Variants in ASIC2 observed in about 807,000 individuals in gnomAD.
ASIC2 encodes the protein acid-sensing ion channel 2.
ASIC2 carries 25 observed loss-of-function variants against 57.3 expected under a neutral mutation model. The ratio of observed to expected loss-of-function variants is 0.44; its 90% CI spans 0.32 to 0.61. ASIC2 has a LOEUF of 0.61. Ranked by LOEUF, ASIC2 falls within the 20% of genes least tolerant of loss-of-function variation. ASIC2 has a pLI of 0.06. For missense variants in ASIC2, 641 were observed against 738.1 expected, an observed-to-expected ratio of 0.87 and a Z score of 1.52; for synonymous variants, 319 against 307.5, an observed-to-expected ratio of 1.04 and a Z score of -0.39.
chr17:33,719,215 C>G (rs1440805963), intron 1 of ASIC2, among the ~76,000 whole-genome samples: 1 of 152,116 alleles, frequency 6.6e-6, no homozygotes, highest in African/African-American at 2.4e-5. Context: ...GCCTTCAGTT[C>G]GCATCTGAAA....
intron 1 of ASIC2, among the ~76,000 whole-genome samples, chr17:34,031,423 A>G (rs2142037247): frequency 6.6e-6 from 1 of 152,202 alleles, no homozygotes; most frequent in East Asian, 1.9e-4. Flanking sequence ...AAAACGGAGG[A>G]GAAAAACTGG....
At chr17:34,044,836 C>T (rs1167886369) in intron 1 of ASIC2, among the ~76,000 whole-genome samples, 4 of 152,196 alleles carry the variant, frequency 2.6e-5, no homozygotes, top group Non-Finnish European at 4.4e-5. Flanking sequence ...GGCTGCCCCT[C>T]ATCATCTTGG....
intron 1 of ASIC2, among the ~76,000 whole-genome samples, chr17:33,595,966 G>C (rs1041278111): frequency 6.6e-6 from 1 of 152,188 alleles, no homozygotes; most frequent in African/African-American, 2.4e-5. Context: ...AGTCTATGCT[G>C]TTTCCTCTGG....
At chr17:33,890,896 A>G (rs1341957171) in intron 1 of ASIC2, among the ~76,000 whole-genome samples, 1 of 96,632 alleles carries the variant, frequency 1.0e-5, no homozygotes, top group Non-Finnish European at 2.0e-5. Flanking sequence ...AGGCTGGAGA[A>G]TCACCTGGAG....
intron 1 of ASIC2, among the ~76,000 whole-genome samples, chr17:34,019,960 A>G (rs1454480864): frequency 6.6e-6 from 1 of 152,148 alleles, no homozygotes; most frequent in East Asian, 1.9e-4. Flanking sequence ...TCCAGGTTCC[A>G]AGAGAATAAA....
At chr17:33,089,816 T>A (rs1313022109) in intron 2 of ASIC2, among the ~76,000 whole-genome samples, 1 of 152,226 alleles carries the variant, frequency 6.6e-6, no homozygotes, top group Non-Finnish European at 1.5e-5. Context: ...GAAACTTCCC[T>A]CATTTTTTCC....
chr17:33,687,422 C>G (rs1908229584), intron 1 of ASIC2, among the ~76,000 whole-genome samples: 1 of 152,172 alleles, frequency 6.6e-6, no homozygotes, highest in South Asian at 2.1e-4. Context: ...GGTGATGTTT[C>G]TCATGCGTCA....
intron 2 of ASIC2, among the ~76,000 whole-genome samples, chr17:33,104,483 T>TC (rs2092227266): frequency 1.3e-5 from 2 of 152,196 alleles, no homozygotes; most frequent in African/African-American, 4.8e-5. Flanking sequence ...CAGGGCATCC[T>TC]CAGTGGTGCC....
intron 1 of ASIC2, among the ~76,000 whole-genome samples, chr17:33,921,482 C>T (rs991852461): frequency 2.0e-5 from 3 of 151,996 alleles, no homozygotes; most frequent in Non-Finnish European, 2.9e-5. Context: ...TGTAACAGAC[C>T]ATATATTTCC....
At chr17:33,586,517 C>G (rs1383327734) in intron 1 of ASIC2, among the ~76,000 whole-genome samples, 1 of 152,154 alleles carries the variant, frequency 6.6e-6, no homozygotes, top group Non-Finnish European at 1.5e-5. Context: ...TGGTTCTTCC[C>G]AGGCTTTCAA....
intron 1 of ASIC2, among the ~76,000 whole-genome samples, chr17:34,017,234 G>A (rs1907008602): frequency 6.6e-6 from 1 of 152,136 alleles, no homozygotes; most frequent in Admixed American, 6.5e-5. Flanking sequence ...TCTGTGATCG[G>A]TGACCTTTGA....
intron 3 of ASIC2, among the ~76,000 whole-genome samples, chr17:33,040,707 C>T (rs528679923): frequency 1.2e-4 from 19 of 152,330 alleles, no homozygotes; most frequent in Admixed American, 1.1e-3. Flanking sequence ...GAAAAACTGC[C>T]TTGGGAACGG....
At chr17:33,973,543 A>G (rs1247232973) in intron 1 of ASIC2, among the ~76,000 whole-genome samples, 1 of 152,158 alleles carries the variant, frequency 6.6e-6, no homozygotes, top group African/African-American at 2.4e-5. Flanking sequence ...TTGGGTAGGC[A>G]GGAGCGCTCT....
intron 1 of ASIC2, among the ~76,000 whole-genome samples, chr17:34,000,361 C>T (rs1231087946): frequency 1.3e-5 from 2 of 150,120 alleles, no homozygotes; most frequent in Admixed American, 1.3e-4. Flanking sequence ...AAGCAATTCT[C>T]TTGCCTCAGC....
chr17:33,281,557 G>GC (rs1027108325), intron 1 of ASIC2, among the ~76,000 whole-genome samples: 2 of 152,096 alleles, frequency 1.3e-5, no homozygotes, highest in African/African-American at 4.8e-5. Context: ...TTTTGAAACA[G>GC]CCCTACACGA....
At chr17:33,924,854 T>G (rs1242391160) in intron 1 of ASIC2, among the ~76,000 whole-genome samples, 1 of 152,178 alleles carries the variant, frequency 6.6e-6, no homozygotes, top group African/African-American at 2.4e-5. Context: ...TGCAGAGGTG[T>G]GGTGGGCAGT....
intron 1 of ASIC2, among the ~76,000 whole-genome samples, chr17:33,790,118 G>A (rs1490810892): frequency 6.6e-6 from 1 of 152,124 alleles, no homozygotes; most frequent in Non-Finnish European, 1.5e-5. Context: ...ATACTAATGT[G>A]GGCATTAATA....
At chr17:33,165,468 T>C (rs1329386310) in intron 1 of ASIC2, among the ~76,000 whole-genome samples, 6 of 152,086 alleles carry the variant, frequency 3.9e-5, no homozygotes, top group Non-Finnish European at 7.4e-5. Flanking sequence ...TGTGTGTGTG[T>C]GCGTGCATGC....
At chr17:33,768,338 T>G (rs1186568893) in intron 1 of ASIC2, among the ~76,000 whole-genome samples, 1 of 152,140 alleles carries the variant, frequency 6.6e-6, no homozygotes, top group Admixed American at 6.5e-5. Flanking sequence ...AACTCCCACA[T>G]TTAAATTTAA....
Sources: allele counts gnomAD v4.1 joint callset (sites outside exome capture counted in the v4.1 genomes callset), GRCh38; gene constraint gnomAD v4.1.1; transcripts MANE v1.5; gene names NCBI Gene and HGNC (gene_info 2026-07-23, HGNC 2026-07-21).